The following DENND2B variants were observed in gnomAD, a reference collection of about 807,000 sequenced individuals.
DENND2B encodes the protein DENN domain containing 2B.
DENND2B carries 32 observed loss-of-function variants against 116.0 expected under a neutral mutation model. The ratio of observed to expected loss-of-function variants is 0.28; its 90% CI spans 0.21 to 0.37. The LOEUF is 0.37. DENND2B is among the 10% of genes least tolerant of loss of function. The pLI, the probability that DENND2B is intolerant of heterozygous loss-of-function variation, is 1.00. For missense variants in DENND2B, 1,276 were observed against 1,477.7 expected, an observed-to-expected ratio of 0.86 and a Z score of 2.24; for synonymous variants, 588 against 583.9, an observed-to-expected ratio of 1.01 and a Z score of -0.10.
intron 2 of DENND2B, among the ~76,000 whole-genome samples, chr11:8,876,981 C>T (rs939650125): frequency 6.6e-6 from 1 of 151,722 alleles, no homozygotes; most frequent in Non-Finnish European, 1.5e-5. Flanking sequence ...GAGGAGATGT[C>T]AGGTGGCCTT....
Position 8,730,669 on chromosome 11 carries a change from G to T in DENND2B, c.621C>A (p.Pro207=). ...ASEGCPSLGC[P]SVVPSPCSSE... is the part of the protein sequence containing the mutation. The stretch of plus-strand genomic sequence containing the variant: ...AGCTGCAGGGGGACGGCACCACGCT[G>T]GGACAGCCCAGGCTGGGGCAGCCCT... The change falls in exon 3 of 20, where the codon CCC becomes CCA. Residue 207 remains proline, a synonymous_variant. Coordinates refer to ENST00000313726, the MANE Select transcript of DENND2B (RefSeq NM_213618.2). This position sits in a 1 kb window ranked among gnomAD's most constrained non-coding sequence, Gnocchi z 4.1. 6.2e-7 allele frequency: 1 copy of T among 1,612,274 alleles called. No homozygotes were observed.
At chr11:8,902,636 G>T (rs1351182223) in intron 1 of DENND2B, among the ~76,000 whole-genome samples, 1 of 152,140 alleles carries the variant, frequency 6.6e-6, no homozygotes, top group Non-Finnish European at 1.5e-5. Flanking sequence ...TTATCTTAAG[G>T]TTCTGGAAGT....
In DENND2B at chr11:8,773,255, G is replaced by A. The variant is rs147680811; in HGVS notation, c.-25-22530C>T. 5.3e-3 allele frequency among the ~76,000 whole-genome samples: 810 copies of A among 152,134 alleles called. 8 individuals carry two copies. Among genetic ancestry groups the A allele is most frequent in the South Asian group, 0.015 (70 of 4,810 alleles). On this transcript the variant is annotated intron_variant, in intron 1 of 19. Coordinates refer to ENST00000313726, the MANE Select transcript of DENND2B (RefSeq NM_213618.2). ...AGGGATATTCTCCTGCCTACAGCCA[G>A]CCAGCCTGCCTGCCTGCAGACCACG... is the stretch of plus-strand genomic sequence containing the variant.
intron 2 of DENND2B, among the ~76,000 whole-genome samples, chr11:8,748,622 G>C (rs1026847207): frequency 4.6e-5 from 7 of 152,174 alleles, no homozygotes; most frequent in Non-Finnish European, 7.4e-5. Context: ...GGAAAGAAAG[G>C]GGGGAGGGAA....
At chr11:8,809,528 T>A (rs1236032202) in intron 1 of DENND2B, 1 of 152,076 alleles carries the variant, frequency 6.6e-6, no homozygotes, top group African/African-American at 2.4e-5. Flanking sequence ...GCATTCATCC[T>A]CCTCATAATA....
chr11:8,777,893 T>C (rs2057917250), intron 1 of DENND2B, among the ~76,000 whole-genome samples: 2 of 152,238 alleles, frequency 1.3e-5, no homozygotes, highest in African/African-American at 4.8e-5. Context: ...TTATCTCACA[T>C]GTGACTTAGC....
At chr11:8,758,837 G>A (rs914288309) in intron 1 of DENND2B, among the ~76,000 whole-genome samples, 2 of 152,130 alleles carry the variant, frequency 1.3e-5, no homozygotes, top group African/African-American at 4.8e-5. Flanking sequence ...GGTAAGTGTC[G>A]CAGCTCTCTA....
At chr11:8,825,630 A>G (rs1009269268) in intron 4 of DENND2B, among the ~76,000 whole-genome samples, 6 of 152,018 alleles carry the variant, frequency 3.9e-5, no homozygotes, top group Admixed American at 1.3e-4. Context: ...ATTAATTGGG[A>G]GGGATAATGA....
chr11:8,864,692 C>T (rs767147041), intron 2 of DENND2B, among the ~76,000 whole-genome samples: 3 of 152,200 alleles, frequency 2.0e-5, no homozygotes, highest in South Asian at 4.2e-4. Flanking sequence ...GTGCTTTTTC[C>T]GCAGGAGATA....
chr11:8,711,981 G>A (rs1045537549), intron 9 of DENND2B: 2 of 455,858 alleles, frequency 4.4e-6, no homozygotes, highest in African/African-American at 4.0e-5. Flanking sequence ...CTTGAGCAGA[G>A]CCTGAGAAAT....
At chr11:8,849,490 C>CAA (rs35966963) in intron 3 of DENND2B, among the ~76,000 whole-genome samples, 38 of 63,508 alleles carry the variant, frequency 6.0e-4, no homozygotes, top group African/African-American at 1.7e-3. Context: ...TAGACTGTCT[C>CAA]AAAAAAAAAA....
intron 1 of DENND2B, chr11:8,774,023 G>A (rs2057298264): frequency 1.2e-6 from 1 of 828,506 alleles, no homozygotes; most frequent in Non-Finnish European, 1.5e-6. Context: ...CCTACCCTCT[G>A]TAAGCTTCAG....
intron 2 of DENND2B, among the ~76,000 whole-genome samples, chr11:8,749,927 T>C (rs1487572001): frequency 6.6e-6 from 1 of 152,198 alleles, no homozygotes; most frequent in African/African-American, 2.4e-5. Context: ...TATCTGTGCA[T>C]CTGTGAGTTC....
chr11:8,758,341 C>T (rs1039890798), intron 1 of DENND2B, among the ~76,000 whole-genome samples: 1 of 152,112 alleles, frequency 6.6e-6, no homozygotes, highest in Non-Finnish European at 1.5e-5. Context: ...CACAAAGGAA[C>T]GCACACACCA....
intron 4 of DENND2B, among the ~76,000 whole-genome samples, chr11:8,823,795 A>T (rs2061857298): frequency 6.6e-6 from 1 of 152,126 alleles, no homozygotes; most frequent in African/African-American, 2.4e-5. Flanking sequence ...AGAATGGACT[A>T]ATACACAATC....
chr11:8,763,686 CTATTAGAAGTCAGGAGAGT>C (rs909711334), intron 1 of DENND2B, among the ~76,000 whole-genome samples: 1 of 150,390 alleles, frequency 6.6e-6, no homozygotes, highest in Non-Finnish European at 1.5e-5. Context: ...TAAATCAATG[CTATTAGAAGTCAGGAGAGT>C]GGTTACCCAT....
intron 1 of DENND2B, among the ~76,000 whole-genome samples, chr11:8,799,136 T>G (rs948179358): frequency 6.6e-6 from 1 of 152,190 alleles, no homozygotes; most frequent in African/African-American, 2.4e-5. Context: ...TTGCTTTCTT[T>G]TTAACCTGGA....
At chr11:8,839,513 A>G (rs1416286694) in intron 3 of DENND2B, among the ~76,000 whole-genome samples, 1 of 152,144 alleles carries the variant, frequency 6.6e-6, no homozygotes, top group African/African-American at 2.4e-5. Flanking sequence ...GTTCCACAGA[A>G]GAGCAAAGGG....
chr11:8,908,754 T>C (rs1007336969), intron 1 of DENND2B, among the ~76,000 whole-genome samples: 8 of 152,228 alleles, frequency 5.3e-5, no homozygotes, highest in East Asian at 1.9e-4. Flanking sequence ...GTCAATCTTA[T>C]GGCATGTCCG....
Sources: gnomAD v4.1 joint callset for allele counts (sites outside exome capture counted in the v4.1 genomes callset) on GRCh38, gnomAD v4.1.1 for gene constraint, Gnocchi (gnomAD v3.1) non-coding constraint, MANE v1.5 for transcripts, NCBI Gene and HGNC (gene_info 2026-07-23, HGNC 2026-07-21) for gene names.